PABPC4L: variants seen among roughly 807,000 people sequenced by gnomAD.
The protein encoded by PABPC4L is poly(A) binding protein cytoplasmic 4 like.
For missense variants in PABPC4L, 452 were observed against 451.4 expected, an observed-to-expected ratio of 1.00 and a Z score of -0.01; for synonymous variants, 169 against 164.1, an observed-to-expected ratio of 1.03 and a Z score of -0.23.
At chr4:133,989,205 A>G in the PABPC4L span, among the ~76,000 whole-genome samples, 1 of 152,180 alleles carries the variant, frequency 6.6e-6, no homozygotes, top group Non-Finnish European at 1.5e-5. Context: ...GTTGGTGAAT[A>G]ACATTCGACT....
the PABPC4L span, among the ~76,000 whole-genome samples, chr4:134,101,087 A>G: frequency 1.3e-5 from 2 of 151,602 alleles, no homozygotes; most frequent in Admixed American, 6.6e-5. Flanking sequence ...TGCAACTCTA[A>G]AGGCTTAAAT....
At chr4:133,966,787 TGGACTTTGGGGACTTGGGGGTAGGGTG>T in the PABPC4L span, among the ~76,000 whole-genome samples, 2 of 151,652 alleles carry the variant, frequency 1.3e-5, no homozygotes, top group African/African-American at 4.8e-5. Context: ...AATGATACAA[TGGACTTTGGGGACTTGGGGGTAGGGTG>T]GGAGTGGGGC....
At chr4:134,106,623 C>A in the PABPC4L span, among the ~76,000 whole-genome samples, 2 of 151,170 alleles carry the variant, frequency 1.3e-5, no homozygotes, top group Non-Finnish European at 3.0e-5. Flanking sequence ...AAACTAATAG[C>A]CATAGGTAAT....
Position 134,198,279 on chromosome 4 carries a change from G to A in PABPC4L, c.*1628C>T, listed in dbSNP as rs1729728883. On this transcript the variant is annotated 3_prime_UTR_variant, in exon 2 of 2. Coordinates refer to ENST00000421491, the MANE Select transcript of PABPC4L (RefSeq NM_001114734.2). ...GAGAGAGAAAAAAATAGAAAAATAT[G>A]TAACAAATTATAATAGGGAATTGGT... 1 of 151,464 alleles carries A rather than the reference G, an allele frequency of 6.6e-6. No homozygotes were observed. The highest frequency in any genetic ancestry group is 2.1e-4 in the South Asian group (1 of 4,818). 9.4% of individuals were successfully genotyped at this position (151,464 alleles called of 1,614,324 possible). A position where few individuals can be genotyped will look rare whatever the true frequency, so the allele number is the denominator to read the frequency against.
the PABPC4L span, among the ~76,000 whole-genome samples, chr4:134,161,689 G>T: frequency 1.3e-5 from 2 of 152,078 alleles, no homozygotes; most frequent in Admixed American, 6.6e-5. Flanking sequence ...CAGTCTCAAA[G>T]AATAGGGCAT....
At position 134,200,412 on chromosome 4, in the gene PABPC4L, T is replaced by A. The variant is rs748741522; in HGVS notation, c.608A>T (p.Asp203Val). Reference protein sequence around the residue: ...YIKNFGGDMDDERLKDVFSKY... With the variant: ...YIKNFGGDMDVERLKDVFSKY... Reference sequence around the variant, plus strand: ...GCTGAAAACGTCCTTCAATCTCTCATCATCCATGTCACCTCCAAAGTTTTT... The same window carrying A: ...GCTGAAAACGTCCTTCAATCTCTCAACATCCATGTCACCTCCAAAGTTTTT... Residue 203 changes from aspartate to valine, a missense_variant, in exon 2 of 2, where the codon GAT becomes GTT. Coordinates refer to ENST00000421491, the MANE Select transcript of PABPC4L (RefSeq NM_001114734.2). 5 of 1,555,858 alleles carry A rather than the reference T, an allele frequency of 3.2e-6. No homozygotes were observed. The African/African-American group carries it at 5.5e-5, about 17-fold the overall frequency.
the PABPC4L span, among the ~76,000 whole-genome samples, chr4:134,156,080 C>A: frequency 6.6e-6 from 1 of 151,780 alleles, no homozygotes; most frequent in Non-Finnish European, 1.5e-5. Context: ...TCTGTCGGAG[C>A]CTGAAGAGAC....
the PABPC4L span, among the ~76,000 whole-genome samples, chr4:134,024,529 T>C: frequency 3.3e-5 from 5 of 152,078 alleles, no homozygotes; most frequent in Non-Finnish European, 7.4e-5. Context: ...AGCTGTCTGG[T>C]ATCTGTTTCT....
chr4:133,980,807 C>A, the PABPC4L span, among the ~76,000 whole-genome samples: 1 of 152,106 alleles, frequency 6.6e-6, no homozygotes, highest in African/African-American at 2.4e-5. Context: ...CTCGAAATAT[C>A]CCTTGATATA....
chr4:134,055,391 G>T, the PABPC4L span, among the ~76,000 whole-genome samples: 2 of 151,798 alleles, frequency 1.3e-5, no homozygotes, highest in African/African-American at 2.4e-5. Context: ...TCCCTGAACT[G>T]CACAGAGAAA....
chr4:134,166,646 T>C, the PABPC4L span, among the ~76,000 whole-genome samples: 1 of 152,142 alleles, frequency 6.6e-6, no homozygotes, highest in Admixed American at 6.5e-5. Flanking sequence ...CAGAGCTGAT[T>C]TTCTGGAGGA....
chr4:133,963,260 T>C, the PABPC4L span, among the ~76,000 whole-genome samples: 20 of 152,272 alleles, frequency 1.3e-4, no homozygotes, highest in Non-Finnish European at 2.2e-4. Flanking sequence ...CATTATATAA[T>C]GGTAAAAGGT....
At chr4:133,963,558 T>C in the PABPC4L span, among the ~76,000 whole-genome samples, 1 of 152,070 alleles carries the variant, frequency 6.6e-6, no homozygotes, top group Non-Finnish European at 1.5e-5. Context: ...CAACAGCTCA[T>C]GGAACTTTCT....
the PABPC4L span, among the ~76,000 whole-genome samples, chr4:134,188,195 A>G: frequency 6.6e-6 from 1 of 152,026 alleles, no homozygotes. Context: ...TAAAAAAACA[A>G]CAACAACACT....
At chr4:134,195,471 T>C (rs1030783240), downstream of PABPC4L, among the ~76,000 whole-genome samples, 2 of 151,812 alleles carry the variant, frequency 1.3e-5, no homozygotes, top group Non-Finnish European at 1.5e-5. Context: ...ATCTGCCACT[T>C]CAGTGATATT....
the PABPC4L span, among the ~76,000 whole-genome samples, chr4:134,171,898 A>G: frequency 1.3e-5 from 2 of 152,120 alleles, no homozygotes; most frequent in South Asian, 2.1e-4. Context: ...CAAATCAGAA[A>G]GACAATCCCA....
rs1324044608 is a variant in PABPC4L at position 134,200,122 on chromosome 4, G to C, written c.898C>G (p.Leu300Val). Reference protein sequence around the residue: ...CQGVKLYIKNLDDTIDDEKLR... With the variant: ...CQGVKLYIKNVDDTIDDEKLR... ...TTTTCATCATCGATGGTGTCATCAAGGTTCTTAATATAGAGTTTTACCCCC... is the reference window on the plus strand; with the variant it reads ...TTTTCATCATCGATGGTGTCATCAACGTTCTTAATATAGAGTTTTACCCCC... Residue 300 changes from leucine to valine, a missense_variant, in exon 2 of 2, where the codon CTT becomes GTT. Transcript: ENST00000421491. 4 of 1,551,606 alleles carry C rather than the reference G, an allele frequency of 2.6e-6. No homozygotes were observed. The Admixed American group carries it at 5.9e-5, about 23-fold the overall frequency.
chr4:134,031,220 G>A, the PABPC4L span, among the ~76,000 whole-genome samples: 5 of 151,938 alleles, frequency 3.3e-5, no homozygotes, highest in African/African-American at 4.8e-5. Flanking sequence ...CTATAGGAAG[G>A]AGTCCGCCAT....
chr4:133,980,799 C>T, the PABPC4L span, among the ~76,000 whole-genome samples: 1 of 152,138 alleles, frequency 6.6e-6, no homozygotes, highest in Non-Finnish European at 1.5e-5. Context: ...TAGCTAGCCT[C>T]GAAATATCCC....
Sources: allele counts gnomAD v4.1 joint callset (sites outside exome capture counted in the v4.1 genomes callset), GRCh38; gene constraint gnomAD v4.1.1; transcripts MANE v1.5; gene names NCBI Gene and HGNC (gene_info 2026-07-23, HGNC 2026-07-21).